The following CPB2 variants were observed in gnomAD, a reference collection of about 807,000 sequenced individuals.
CPB2 encodes the protein carboxypeptidase B-like protein.
Under a neutral mutation model 57.0 loss-of-function variants are expected in CPB2, and 54 were observed. The ratio of observed to expected loss-of-function variants is 0.95; its 90% confidence interval spans 0.76 to 1.19. CPB2 has a LOEUF of 1.19. CPB2 is among the 50% of genes most tolerant of loss of function. The pLI, the probability that CPB2 is intolerant of heterozygous loss-of-function variation, is 0.00. For synonymous variants in CPB2, 189 were observed against 178.1 expected, an observed-to-expected ratio of 1.06 and a Z score of -0.49; for missense variants, 426 against 512.0, an observed-to-expected ratio of 0.83 and a Z score of 1.62.
intron 2 of CPB2, among the ~76,000 whole-genome samples, chr13:46,085,838 G>C (rs1166827400): frequency 6.6e-6 from 1 of 152,194 alleles, no homozygotes; most frequent in Non-Finnish European, 1.5e-5. Context: ...TGGCGCCTTT[G>C]CCTAAGCTTT....
chr13:46,064,407 T>G (rs2044822120), intron 8 of CPB2, among the ~76,000 whole-genome samples: 1 of 152,222 alleles, frequency 6.6e-6, no homozygotes, highest in Non-Finnish European at 1.5e-5. Flanking sequence ...GAAGGGATCT[T>G]AAAAAACTGA....
At chr13:46,069,647 C>A (rs974459403) in intron 6 of CPB2, among the ~76,000 whole-genome samples, 6 of 152,290 alleles carry the variant, frequency 3.9e-5, no homozygotes, top group Admixed American at 3.9e-4. Flanking sequence ...TTTCAAGATT[C>A]ATCTATGTTG....
At chr13:46,101,856 C>T (rs9526143) in intron 1 of CPB2, among the ~76,000 whole-genome samples, 114,592 of 152,150 alleles carry the variant, frequency 0.75, 43,335 homozygotes, top group East Asian at 0.81. Context: ...CTTCTGAGAA[C>T]GTCATTATGT....
At chr13:46,098,246 G>C (rs1452155310) in intron 1 of CPB2, among the ~76,000 whole-genome samples, 3 of 152,190 alleles carry the variant, frequency 2.0e-5, no homozygotes, top group Non-Finnish European at 4.4e-5. Flanking sequence ...ACCTAGATTA[G>C]AAGAGGTGCT....
chr13:46,092,042 T>A (rs983063918), intron 1 of CPB2, among the ~76,000 whole-genome samples: 1 of 152,266 alleles, frequency 6.6e-6, no homozygotes, highest in African/African-American at 2.4e-5. Context: ...CCCCCCTTTT[T>A]TTTAACTGAA....
At chr13:46,100,062 G>A (rs1393539954) in intron 1 of CPB2, 2 of 151,612 alleles carry the variant, frequency 1.3e-5, no homozygotes, top group Non-Finnish European at 2.9e-5. Flanking sequence ...AAAATGTTGA[G>A]TGGGCAGTAT....
chr13:46,074,764 G>C (rs1372463345), intron 5 of CPB2, among the ~76,000 whole-genome samples: 2 of 152,190 alleles, frequency 1.3e-5, no homozygotes, highest in East Asian at 3.9e-4. Context: ...ATGGGGCAGA[G>C]TTGGGGTGGA....
chr13:46,076,858 T>C (rs570796028), intron 5 of CPB2, among the ~76,000 whole-genome samples: 4 of 152,232 alleles, frequency 2.6e-5, no homozygotes, highest in Non-Finnish European at 4.4e-5. Context: ...TGTCAATAAA[T>C]GGTATTGGGA....
At chr13:46,104,644 T>TA (rs1454222779) in intron 1 of CPB2, among the ~76,000 whole-genome samples, 1 of 152,206 alleles carries the variant, frequency 6.6e-6, no homozygotes, top group African/African-American at 2.4e-5. Flanking sequence ...TATAAATAGT[T>TA]ACGTTTATAA....
chr13:46,084,579 A>G (rs2045171188), intron 2 of CPB2, among the ~76,000 whole-genome samples: 1 of 152,196 alleles, frequency 6.6e-6, no homozygotes, highest in Non-Finnish European at 1.5e-5. Context: ...CCTGGAATAT[A>G]CAAGATAATC....
At chr13:46,092,182 C>A (rs2045303118) in intron 1 of CPB2, among the ~76,000 whole-genome samples, 1 of 152,166 alleles carries the variant, frequency 6.6e-6, no homozygotes, top group Non-Finnish European at 1.5e-5. Flanking sequence ...CAGTTATACC[C>A]TCCTTTATGA....
chr13:46,082,563 C>T lies in CPB2; in HGVS notation c.276-14G>A. ...GCCAGCAAGACACTAGGTGATGAAA[C>T]AGAGAGTGAGCTAGTTTCCAAGCAG... is the stretch of plus-strand genomic sequence containing the variant. On this transcript the variant is annotated splice_polypyrimidine_tract_variant and intron_variant, in intron 3 of 10. Coordinates refer to ENST00000181383, the MANE Select transcript of CPB2 (RefSeq NM_001872.5). The T allele has an allele frequency of 6.4e-7, 1 of 1,558,178 alleles. No homozygotes were observed. Among genetic ancestry groups the T allele is most frequent in the Non-Finnish European group, 8.9e-7 (1 of 1,129,672 alleles).
chr13:46,086,722 G>T (rs1021895107), intron 2 of CPB2, among the ~76,000 whole-genome samples: 1 of 152,224 alleles, frequency 6.6e-6, no homozygotes, highest in East Asian at 1.9e-4. Context: ...GCCTCCTACG[G>T]CTATTTATGG....
chr13:46,080,232 G>A (rs527385540), intron 4 of CPB2, among the ~76,000 whole-genome samples: 4 of 152,136 alleles, frequency 2.6e-5, no homozygotes, highest in East Asian at 3.9e-4. Context: ...TCCCTACACC[G>A]GATCATTTAA....
chr13:46,070,591 A>G (rs1026115408), intron 6 of CPB2, among the ~76,000 whole-genome samples: 2 of 152,170 alleles, frequency 1.3e-5, no homozygotes, highest in Admixed American at 6.5e-5. Context: ...GAATTAACCA[A>G]TGACCATTTG....
At position 46,067,299 on chromosome 13, in the gene CPB2, TCTC is replaced by T; in HGVS notation, c.702+5_702+7del. 3 of 1,363,812 alleles carry T rather than the reference TCTC, an allele frequency of 2.2e-6. No individual in the cohort carries two copies. Among genetic ancestry groups the T allele is most frequent in the Non-Finnish European group, 3.1e-6 (3 of 954,426 alleles). 84.5% of individuals were successfully genotyped at this position (1,363,812 alleles called of 1,614,324 possible). On this transcript the variant is annotated splice_donor_5th_base_variant and intron_variant, in intron 7 of 10. Transcript: ENST00000181383. ...AACATGATTTGTCTTCTTTGCCTTT[TCTC>T]CTACCTTTTTCCATGAGTAGTCATA...
At chr13:46,061,905 C>A (rs1029932520) in intron 8 of CPB2, among the ~76,000 whole-genome samples, 8 of 151,974 alleles carry the variant, frequency 5.3e-5, no homozygotes, top group African/African-American at 1.9e-4. Context: ...GGGGCACATT[C>A]TAGTTGTAGG....
In CPB2 at chr13:46,058,197, GC is replaced by G. The variant is rs753375118; in HGVS notation, c.980del (p.Ser327ThrfsTer9). The G allele has an allele frequency of 6.2e-7, 1 of 1,613,196 alleles. No individual in the cohort carries two copies. The highest frequency in any genetic ancestry group is 1.3e-5 in the African/African-American group (1 of 75,032). Reference sequence around the variant, plus strand: ...CACTTACCAGTTCCTCATGGTCTTTGCTTTTACTTCGTGTATAGGAATATGG... The same window carrying G: ...CACTTACCAGTTCCTCATGGTCTTTGTTTTACTTCGTGTATAGGAATATGG... ...VFPYSYTRSK[S>X]KDHEELSLVA... On this transcript the variant is annotated frameshift_variant, in exon 9 of 11. Transcript: ENST00000181383. LOFTEE classifies it high-confidence loss of function.
intron 8 of CPB2, 66 bp downstream of exon 8, chr13:46,064,582 G>A: frequency 1.6e-6 from 2 of 1,261,052 alleles, no homozygotes; most frequent in East Asian, 2.3e-5. Flanking sequence ...GAATTCATGG[G>A]CCTTTCCCTG....
Sources: gnomAD v4.1 joint callset for allele counts (sites outside exome capture counted in the v4.1 genomes callset) on GRCh38, gnomAD v4.1.1 for gene constraint, MANE v1.5 for transcripts, NCBI Gene and HGNC (gene_info 2026-07-23, HGNC 2026-07-21) for gene names.